The following NSD3 variants were observed in gnomAD, a reference collection of about 807,000 sequenced individuals.
NSD3 encodes the protein nuclear receptor binding SET domain protein 3, also known as histone-lysine N-methyltransferase NSD3.
NSD3 carries 24 observed loss-of-function variants against 160.8 expected under a neutral mutation model. The observed-to-expected ratio is 0.15, with a 90% CI of 0.11 to 0.21. NSD3 has a LOEUF of 0.21. Among genes scored for constraint, NSD3 ranks in the 10% least tolerant of loss-of-function variants. The pLI is 1.00. For missense variants in NSD3, 1,157 were observed against 1,735.9 expected (o/e 0.67, Z 5.93); for synonymous variants, 520 against 600.0 (o/e 0.87, Z 1.95).
In NSD3 at chr8:38,318,813, C is replaced by T; in HGVS notation, c.1855+82G>A. 1 of 1,370,164 alleles carries T rather than the reference C, an allele frequency of 7.3e-7. No individual in the cohort carries two copies. Among genetic ancestry groups the T allele is most frequent in the Non-Finnish European group, 1.0e-6 (1 of 968,810 alleles). 84.9% of individuals were successfully genotyped at this position (1,370,164 alleles called of 1,614,324 possible). A position where few individuals can be genotyped will look rare whatever the true frequency, so the allele number is the denominator to read the frequency against. ...AGCAACAACGATTTACAGAGACAGA[C>T]AAAAATACATGAAGTACAAATAATT... On this transcript the variant is annotated intron_variant, in intron 9 of 23. Coordinates refer to ENST00000317025, the MANE Select transcript of NSD3 (RefSeq NM_023034.2). This position sits in a 1 kb window ranked among gnomAD's most constrained non-coding sequence, Gnocchi z 5.3.
chr8:38,289,127 A>T (rs954008372), intron 18 of NSD3, among the ~76,000 whole-genome samples: 3 of 152,246 alleles, frequency 2.0e-5, no homozygotes, highest in Non-Finnish European at 4.4e-5. Context: ...CACATAAGAC[A>T]TGTTGCTACT....
rs1253952299 is a variant in NSD3 at position 38,271,488 on chromosome 8, C to T, written c.*4153G>A. The T allele has an allele frequency of 6.6e-6, 1 of 152,014 alleles. No individual in the cohort carries two copies. Among genetic ancestry groups the T allele is most frequent in the Non-Finnish European group, 1.5e-5 (1 of 67,990 alleles). 9.4% of individuals were successfully genotyped at this position (152,014 alleles called of 1,614,324 possible). A position where few individuals can be genotyped will look rare whatever the true frequency, so the allele number is the denominator to read the frequency against. On this transcript the variant is annotated 3_prime_UTR_variant, in exon 24 of 24. Coordinates refer to ENST00000317025, the MANE Select transcript of NSD3 (RefSeq NM_023034.2). ...AAAGTTGGTGAGATTTCAGTATATA[C>T]ACATTTCCAACTTTTCAGTATTTGT... is the stretch of plus-strand genomic sequence containing the variant.
rs547259104 is a variant in NSD3, at chr8:38,303,308, T to C, written c.2611+1279A>G. ...TGAGTGACACCTTTTTATTTATTAT[T>C]TGCCCACCTGTTACGATATAGCAGG... On this transcript the variant is annotated intron_variant, in intron 14 of 23. Transcript: ENST00000317025. The C allele has an allele frequency of 5.3e-5, 52 of 985,422 alleles. No individual in the cohort carries two copies. In the South Asian group the frequency reaches 2.2e-3, roughly 42 times the overall value. 61.0% of individuals were successfully genotyped at this position (985,422 alleles called of 1,614,324 possible). A position where few individuals can be genotyped will look rare whatever the true frequency, so the allele number is the denominator to read the frequency against.
At chr8:38,356,717 T>C (rs186156245) in intron 1 of NSD3, among the ~76,000 whole-genome samples, 1 of 152,344 alleles carries the variant, frequency 6.6e-6, no homozygotes, top group East Asian at 1.9e-4. Flanking sequence ...AATGTATTGC[T>C]AGATTCTACT....
Position 38,271,471 on chromosome 8 carries a change from T to G in NSD3, c.*4170A>C, listed in dbSNP as rs1215661794. On this transcript the variant is annotated 3_prime_UTR_variant, in exon 24 of 24. Coordinates refer to ENST00000317025, the MANE Select transcript of NSD3 (RefSeq NM_023034.2). Reference sequence around the variant, plus strand: ...GTACCCCACCCCAGGTAAAAGTTGGTGAGATTTCAGTATATACACATTTCC... The same window carrying G: ...GTACCCCACCCCAGGTAAAAGTTGGGGAGATTTCAGTATATACACATTTCC... 4 of 151,792 alleles carry G rather than the reference T, an allele frequency of 2.6e-5. No homozygotes were observed. The allele number at this position is 151,792 out of a possible 1,614,324, so 9.4% of individuals were successfully genotyped here.
At chr8:38,299,352 T>C in intron 15 of NSD3, 92 bp downstream of exon 15, 1 of 1,377,828 alleles carries the variant, frequency 7.3e-7, no homozygotes, top group Admixed American at 2.3e-5. Flanking sequence ...CAACAGATGG[T>C]GCTTGACAGG....
chr8:38,326,107 C>T (rs1486577575), intron 7 of NSD3, among the ~76,000 whole-genome samples: 1 of 151,594 alleles, frequency 6.6e-6, no homozygotes, highest in Non-Finnish European at 1.5e-5. Flanking sequence ...GAGATTGAGC[C>T]ACTGCACTCC....
At chr8:38,354,671 G>C (rs1427169294) in intron 1 of NSD3, among the ~76,000 whole-genome samples, 4 of 151,924 alleles carry the variant, frequency 2.6e-5, no homozygotes, top group African/African-American at 9.7e-5. Flanking sequence ...TCTAGGTGTT[G>C]AATGTAATAT....
intron 1 of NSD3, among the ~76,000 whole-genome samples, chr8:38,375,503 C>T (rs1429888814): frequency 6.6e-6 from 1 of 152,014 alleles, no homozygotes; most frequent in Non-Finnish European, 1.5e-5. Context: ...AGTGCAGGTA[C>T]AACATACTAC....
At chr8:38,332,383 T>G (rs2150376534) in intron 4 of NSD3, among the ~76,000 whole-genome samples, 1 of 152,352 alleles carries the variant, frequency 6.6e-6, no homozygotes, top group East Asian at 1.9e-4. Flanking sequence ...GCAATCCTCT[T>G]GCCTCAGCCT....
chr8:38,367,107 C>G (rs577923555), intron 1 of NSD3, among the ~76,000 whole-genome samples: 2 of 152,274 alleles, frequency 1.3e-5, no homozygotes, highest in South Asian at 4.1e-4. Context: ...CAGAGTAAGA[C>G]AAACTCATAT....
rs542988767 is a variant in NSD3 at position 38,377,704 on chromosome 8, T to C, written c.-45+4095A>G. Among the ~76,000 whole-genome samples, 151 of 151,942 alleles carry C rather than the reference T, an allele frequency of 9.9e-4. 1 individual carries two copies. The highest frequency in any genetic ancestry group is 6.8e-3 in the Middle Eastern group (2 of 294). On this transcript the variant is annotated intron_variant, in intron 1 of 23. Transcript: ENST00000317025. ...AGATGTCCCAGATAGGCTGTTAAAA[T>C]GAAAAAGTGGCCAGGTGCGGTGGCT...
intron 10 of NSD3, 57 bp downstream of exon 10, chr8:38,315,855 G>C (rs974438232): frequency 6.4e-7 from 1 of 1,560,030 alleles, no homozygotes; most frequent in African/African-American, 1.4e-5. Flanking sequence ...AAATAAATAA[G>C]GGAAAAGCAT....
chr8:38,277,317 G>A (rs776623126), intron 22 of NSD3, among the ~76,000 whole-genome samples: 8 of 152,032 alleles, frequency 5.3e-5, no homozygotes, highest in Middle Eastern at 3.4e-3. Flanking sequence ...TCGCTCTGTC[G>A]CCCATGTTGA....
chr8:38,329,401 C>A lies in NSD3; in HGVS notation c.1558G>T (p.Asp520Tyr). 1 of 1,609,242 alleles carries A rather than the reference C, an allele frequency of 6.2e-7. No individual in the cohort carries two copies. Among genetic ancestry groups the A allele is most frequent in the South Asian group, 1.1e-5 (1 of 90,834 alleles). ...QNATGDGKFI[D>Y]QFVYSTKGIG... ...ACCTTTGTTGAATAAACAAATTGATCGATAAATTTCCCATCCCCTGTAGCA... is the reference window on the plus strand; with the variant it reads ...ACCTTTGTTGAATAAACAAATTGATAGATAAATTTCCCATCCCCTGTAGCA... Residue 520 changes from aspartate to tyrosine, a missense_variant, in exon 6 of 24, where the codon GAT (aspartate) becomes TAT (tyrosine). Asp to Tyr is a radical substitution (Grantham distance 160). Around this residue, in one of 10 missense-constraint regions of NSD3, gnomAD observed 102 missense variants for 126.5 expected, o/e 0.81. Coordinates refer to ENST00000317025, the MANE Select transcript of NSD3 (RefSeq NM_023034.2). The surrounding 1 kb of genome is among the most constrained non-coding windows in gnomAD (Gnocchi z 4.8).
At position 38,316,086 on chromosome 8, in the gene NSD3, G is replaced by A; in HGVS notation, c.1856-44C>T. The A allele has an allele frequency of 6.3e-7, 1 of 1,596,604 alleles. No individual in the cohort carries two copies. Among genetic ancestry groups the A allele is most frequent in the African/African-American group, 1.3e-5 (1 of 74,170 alleles). ...AATTAATCCTAAAATAGTACTTAAG[G>A]TTTGTTTTAATTTTTTTGTGTGTGG... On this transcript the variant is annotated intron_variant, in intron 9 of 23. Coordinates refer to ENST00000317025, the MANE Select transcript of NSD3 (RefSeq NM_023034.2). The surrounding 1 kb of genome is among the most constrained non-coding windows in gnomAD (Gnocchi z 4.5).
At chr8:38,356,856 T>C (rs1040827869) in intron 1 of NSD3, among the ~76,000 whole-genome samples, 3 of 152,038 alleles carry the variant, frequency 2.0e-5, no homozygotes, top group African/African-American at 4.8e-5. Context: ...CAGTGGCTTA[T>C]GCTTGTAATC....
intron 19 of NSD3, among the ~76,000 whole-genome samples, chr8:38,285,862 C>A (rs1054053396): frequency 2.0e-5 from 3 of 152,196 alleles, no homozygotes; most frequent in African/African-American, 7.2e-5. Context: ...CCTGGCTCAA[C>A]TACAACCCCA....
chr8:38,276,640 C>T, intron 22 of NSD3, 140 bp from the exon 23 acceptor site: 1 of 784,104 alleles, frequency 1.3e-6, no homozygotes. Context: ...CCTTATGCTG[C>T]AACAAATACT....
Sources: gnomAD v4.1 joint callset for allele counts (sites outside exome capture counted in the v4.1 genomes callset) on GRCh38, gnomAD v4.1.1 for gene constraint, gnomAD v4.1.1 regional missense constraint, Gnocchi (gnomAD v3.1) non-coding constraint, MANE v1.5 for transcripts, NCBI Gene and HGNC (gene_info 2026-07-23, HGNC 2026-07-21) for gene names.